PEX5L: variants seen among roughly 807,000 people sequenced by gnomAD.
The protein encoded by PEX5L is PEX5-related protein.
A neutral mutation model predicts 84.0 loss-of-function variants in PEX5L; 30 were observed. The ratio of observed to expected loss-of-function variants is 0.36; its 90% confidence interval spans 0.27 to 0.48. PEX5L has a LOEUF of 0.48. PEX5L is among the 20% of genes least tolerant of loss of function. The pLI, the probability that PEX5L is intolerant of heterozygous loss-of-function variation, is 0.99. For synonymous variants in PEX5L, 270 were observed against 283.1 expected (o/e 0.95, Z 0.46); for missense variants, 533 against 754.6 (o/e 0.71, Z 3.44).
At chr3:179,914,436 T>A (rs553203884) in intron 2 of PEX5L, among the ~76,000 whole-genome samples, 3 of 152,346 alleles carry the variant, frequency 2.0e-5, no homozygotes, top group African/African-American at 7.2e-5. Flanking sequence ...GAATTCCATG[T>A]ATTCTTCTAG....
intron 8 of PEX5L, among the ~76,000 whole-genome samples, chr3:179,848,395 A>G (rs1238821856): frequency 6.6e-6 from 1 of 151,990 alleles, no homozygotes; most frequent in Admixed American, 6.6e-5. Context: ...TACAAAAAAT[A>G]CAAAAATTAG....
chr3:179,870,004 T>C (rs1342024583), intron 7 of PEX5L, among the ~76,000 whole-genome samples: 2 of 152,198 alleles, frequency 1.3e-5, no homozygotes, highest in Non-Finnish European at 2.9e-5. Context: ...GTGCCAATCA[T>C]GGAGTTTTGG....
chr3:180,012,104 A>G (rs66924709), intron 1 of PEX5L, among the ~76,000 whole-genome samples: 19,369 of 152,188 alleles, frequency 0.13, 1,355 homozygotes, highest in African/African-American at 0.19. Context: ...TAATCCTTAA[A>G]TGGATTTATA....
At position 179,802,156 on chromosome 3, in the gene PEX5L, T is replaced by C. The variant is rs1719108164; in HGVS notation, c.1677-124A>G. ...AAATCTTAAATCACCTCTTACGTGTTCTGGATGATCAAATGAACAACTTTC... is the reference window on the plus strand; with the variant it reads ...AAATCTTAAATCACCTCTTACGTGTCCTGGATGATCAAATGAACAACTTTC... On this transcript the variant is annotated intron_variant, in intron 14 of 14. Coordinates refer to ENST00000467460, the MANE Select transcript of PEX5L (RefSeq NM_016559.3). 6 of 679,384 alleles carry C rather than the reference T, an allele frequency of 8.8e-6. No individual in the cohort carries two copies. The South Asian group carries it at 1.0e-4, about 12-fold the overall frequency. 42.1% of individuals were successfully genotyped at this position (679,384 alleles called of 1,614,324 possible). A position where few individuals can be genotyped will look rare whatever the true frequency, so the allele number is the denominator to read the frequency against.
At chr3:179,987,117 C>T (rs1031359256) in intron 1 of PEX5L, among the ~76,000 whole-genome samples, 7 of 152,002 alleles carry the variant, frequency 4.6e-5, no homozygotes, top group Admixed American at 3.3e-4. Flanking sequence ...CAAAACCCAG[C>T]TCCTTCAGTT....
chr3:179,874,222 G>A, intron 7 of PEX5L, 105 bp downstream of exon 7: 2 of 621,214 alleles, frequency 3.2e-6, no homozygotes, highest in Non-Finnish European at 5.5e-6. Context: ...GAAACGCAAT[G>A]TACAAAAAAT....
chr3:179,967,749 A>G (rs999726553), intron 2 of PEX5L, among the ~76,000 whole-genome samples: 3 of 152,170 alleles, frequency 2.0e-5, no homozygotes, highest in Admixed American at 2.0e-4. Context: ...TTCCTCCTTT[A>G]AAACTGCATT....
chr3:179,980,869 C>T (rs1303025048), intron 1 of PEX5L, among the ~76,000 whole-genome samples: 1 of 151,914 alleles, frequency 6.6e-6, no homozygotes, highest in Non-Finnish European at 1.5e-5. Flanking sequence ...ACTAAAAATA[C>T]AAAAATTAGC....
intron 7 of PEX5L, among the ~76,000 whole-genome samples, chr3:179,870,325 G>C (rs1273965219): frequency 6.6e-6 from 1 of 152,186 alleles, no homozygotes; most frequent in Non-Finnish European, 1.5e-5. Context: ...AATGGGATCA[G>C]CATGAGAACA....
At chr3:179,895,665 T>C (rs572745576) in intron 3 of PEX5L, 1 of 152,266 alleles carries the variant, frequency 6.6e-6, no homozygotes, top group South Asian at 2.1e-4. Context: ...TAGAGTATGT[T>C]TGGCTTAATT....
chr3:179,880,221 G>C, intron 4 of PEX5L, 98 bp from the exon 5 acceptor site: 1 of 686,350 alleles, frequency 1.5e-6, no homozygotes, highest in South Asian at 2.4e-5. Context: ...ATGTTTGTAG[G>C]ATAGGTTAGA....
At chr3:179,872,331 C>T (rs1194202520) in intron 7 of PEX5L, among the ~76,000 whole-genome samples, 2 of 152,040 alleles carry the variant, frequency 1.3e-5, no homozygotes, top group Non-Finnish European at 2.9e-5. Flanking sequence ...GAAATTAAAA[C>T]TAGGAGATTA....
chr3:179,919,827 C>T (rs1214145743), intron 2 of PEX5L, among the ~76,000 whole-genome samples: 1 of 152,128 alleles, frequency 6.6e-6, no homozygotes, highest in African/African-American at 2.4e-5. Flanking sequence ...CTCAGCCTCC[C>T]GAGTAGCTGG....
At position 180,024,347 on chromosome 3, in the gene PEX5L, A is replaced by AATATAT. The variant is rs148495757; in HGVS notation, c.21+12226_21+12231dup. On this transcript the variant is annotated intron_variant, in intron 1 of 14. Coordinates refer to ENST00000467460, the MANE Select transcript of PEX5L (RefSeq NM_016559.3). ...ACACTGTGAAACCCCGTCCCTACTA[A>AATATAT]ATATATATATATATATATATATATA... Among the ~76,000 whole-genome samples, 570 of 107,628 alleles carry AATATAT rather than the reference A, an allele frequency of 5.3e-3. 13 individuals carry two copies. The highest frequency in any genetic ancestry group is 0.018 in the East Asian group (69 of 3,912). 70.6% of individuals were successfully genotyped at this position (107,628 alleles called of 152,430 possible). A position where few individuals can be genotyped will look rare whatever the true frequency, so the allele number is the denominator to read the frequency against.
At chr3:179,805,131 G>A (rs1177509725) in intron 14 of PEX5L, among the ~76,000 whole-genome samples, 1 of 141,152 alleles carries the variant, frequency 7.1e-6, no homozygotes, top group Non-Finnish European at 1.5e-5. Context: ...AAAAAATTAC[G>A]TCTCACTCGA....
intron 4 of PEX5L, among the ~76,000 whole-genome samples, chr3:179,883,130 G>A (rs1404402599): frequency 6.6e-6 from 1 of 152,116 alleles, no homozygotes; most frequent in Non-Finnish European, 1.5e-5. Context: ...AAAAGTGTGT[G>A]CGTGTGTGTA....
At chr3:179,905,005 T>C (rs960558584) in intron 2 of PEX5L, among the ~76,000 whole-genome samples, 1 of 152,196 alleles carries the variant, frequency 6.6e-6, no homozygotes, top group Non-Finnish European at 1.5e-5. Flanking sequence ...AGGAAATCTT[T>C]CCTAACAGTA....
rs371310501 is a variant in PEX5L, at chr3:180,009,549, G to T, written c.21+27030C>A. Among the ~76,000 whole-genome samples, 6 of 151,780 alleles carry T rather than the reference G, an allele frequency of 4.0e-5. No homozygotes were observed. In the East Asian group the frequency reaches 9.7e-4, roughly 24 times the overall value. On this transcript the variant is annotated intron_variant, in intron 1 of 14. Coordinates refer to ENST00000467460, the MANE Select transcript of PEX5L (RefSeq NM_016559.3). Reference sequence around the variant, plus strand: ...GCAGAAGTTTGTAGGAACTCAGCATGAGTTACTGAAAAAATTTTTTTCTTT... The same window carrying T: ...GCAGAAGTTTGTAGGAACTCAGCATTAGTTACTGAAAAAATTTTTTTCTTT...
chr3:179,830,752 A>C (rs1732531494), intron 8 of PEX5L, among the ~76,000 whole-genome samples: 1 of 152,168 alleles, frequency 6.6e-6, no homozygotes, highest in Non-Finnish European at 1.5e-5. Context: ...CAGCTGCCTC[A>C]TTCCTGGTAT....
Sources: gnomAD v4.1 joint callset for allele counts (sites outside exome capture counted in the v4.1 genomes callset) on GRCh38, gnomAD v4.1.1 for gene constraint, MANE v1.5 for transcripts, NCBI Gene and HGNC (gene_info 2026-07-23, HGNC 2026-07-21) for gene names.